VPS37A: variants seen among roughly 807,000 people sequenced by gnomAD.
VPS37A encodes the protein vacuolar protein sorting-associated protein 37A.
VPS37A carries 30 observed loss-of-function variants against 49.8 expected under a neutral mutation model. The ratio of observed to expected loss-of-function variants is 0.60; its 90% confidence interval spans 0.45 to 0.82. The LOEUF (loss-of-function observed/expected upper bound fraction) is 0.82, where lower values mean the gene tolerates loss of function less well. Ranked by LOEUF, VPS37A falls within the 40% of genes least tolerant of loss-of-function variation. VPS37A has a pLI of 0.00. For synonymous variants in VPS37A, 195 were observed against 160.6 expected, an observed-to-expected ratio of 1.21 and a Z score of -1.62; for missense variants, 593 against 464.4, an observed-to-expected ratio of 1.28 and a Z score of -2.55.
At chr8:17,321,513 G>T in the VPS37A span, among the ~76,000 whole-genome samples, 1 of 152,344 alleles carries the variant, frequency 6.6e-6, no homozygotes, top group Admixed American at 6.5e-5. Flanking sequence ...GAGTGGCAGT[G>T]TGAAAAGCAA....
downstream of VPS37A, chr8:17,302,294 C>G (rs1184183609): frequency 1.2e-5 from 19 of 1,611,548 alleles, no homozygotes; most frequent in Non-Finnish European, 1.6e-5. Flanking sequence ...GAAAGGATGG[C>G]AAAGCGTCGT....
intron 11 of VPS37A, among the ~76,000 whole-genome samples, chr8:17,290,560 C>T (rs537494761): frequency 1.4e-4 from 22 of 152,198 alleles, no homozygotes; most frequent in African/African-American, 3.6e-4. Context: ...CTTTTTAATG[C>T]GCTGCTGGAT....
intron 4 of VPS37A, among the ~76,000 whole-genome samples, chr8:17,273,604 G>A (rs1337768489): frequency 5.9e-5 from 9 of 152,034 alleles, no homozygotes; most frequent in Non-Finnish European, 1.0e-4. Context: ...CTGACCTCAT[G>A]ATCCACCTGC....
At chr8:17,301,333 G>A (rs1308457852), downstream of VPS37A, among the ~76,000 whole-genome samples, 1 of 152,218 alleles carries the variant, frequency 6.6e-6, no homozygotes, top group Non-Finnish European at 1.5e-5. Context: ...AAGTTTCAGG[G>A]AGGAAGGAAC....
chr8:17,330,424 T>C, the VPS37A span, among the ~76,000 whole-genome samples: 1 of 152,212 alleles, frequency 6.6e-6, no homozygotes, highest in African/African-American at 2.4e-5. Context: ...GAGCCGGAAG[T>C]GGTAGACTAC....
chr8:17,327,185 T>C, the VPS37A span, among the ~76,000 whole-genome samples: 2 of 152,240 alleles, frequency 1.3e-5, no homozygotes, highest in Admixed American at 6.5e-5. Context: ...GTAAAATTAA[T>C]CAGTCTACTA....
At chr8:17,292,919 G>C (rs1028419679) in intron 11 of VPS37A, among the ~76,000 whole-genome samples, 1 of 152,072 alleles carries the variant, frequency 6.6e-6, no homozygotes, top group Non-Finnish European at 1.5e-5. Flanking sequence ...TGGTAAATCT[G>C]ACAATTACGT....
At chr8:17,273,681 A>G (rs1479590743) in intron 4 of VPS37A, among the ~76,000 whole-genome samples, 1 of 152,116 alleles carries the variant, frequency 6.6e-6, no homozygotes, top group East Asian at 1.9e-4. Context: ...TTGCTTTATC[A>G]AAGGACTAAT....
chr8:17,252,391 GTC>G (rs1184615411), intron 1 of VPS37A, among the ~76,000 whole-genome samples: 2 of 152,116 alleles, frequency 1.3e-5, no homozygotes, highest in Non-Finnish European at 2.9e-5. Flanking sequence ...GCCCAGGCTT[GTC>G]TCTCAAACTC....
At chr8:17,329,867 G>T in the VPS37A span, among the ~76,000 whole-genome samples, 1 of 152,174 alleles carries the variant, frequency 6.6e-6, no homozygotes, top group Admixed American at 6.5e-5. Flanking sequence ...GTCAGGTATT[G>T]TCACTGTGAC....
At chr8:17,283,569 G>A (rs749534116) in intron 9 of VPS37A, among the ~76,000 whole-genome samples, 23 of 152,104 alleles carry the variant, frequency 1.5e-4, no homozygotes, top group Admixed American at 6.5e-4. Context: ...TTTGCCTGTC[G>A]ATAATCCAGT....
downstream of VPS37A, among the ~76,000 whole-genome samples, chr8:17,304,887 T>G (rs544421519): frequency 7.8e-4 from 119 of 152,224 alleles, 1 homozygote; most frequent in Middle Eastern, 3.4e-3. Flanking sequence ...TGAGTTGCTG[T>G]GAGCTCTGTC....
At chr8:17,266,619 G>A (rs1051876376) in intron 2 of VPS37A, among the ~76,000 whole-genome samples, 6 of 152,094 alleles carry the variant, frequency 3.9e-5, no homozygotes, top group Admixed American at 3.3e-4. Context: ...CAGATAAGAA[G>A]GCACCTAACT....
chr8:17,285,685 T>C (rs910807568), intron 10 of VPS37A, among the ~76,000 whole-genome samples: 4 of 152,170 alleles, frequency 2.6e-5, no homozygotes, highest in Non-Finnish European at 4.4e-5. Flanking sequence ...GACTTACTTA[T>C]GGTTATAGTG....
At chr8:17,268,765 G>T in intron 3 of VPS37A, 91 bp from the exon 4 acceptor site, 1 of 867,246 alleles carries the variant, frequency 1.2e-6, no homozygotes. Flanking sequence ...ACCTGCAAAA[G>T]TAAGTTAATA....
Position 17,258,050 on chromosome 8 carries a change from T to G in VPS37A, c.126-7857T>G, listed in dbSNP as rs531594151. Among the ~76,000 whole-genome samples the G allele has an allele frequency of 2.0e-5, 3 of 152,238 alleles. No homozygotes were observed. In the South Asian group the frequency reaches 6.2e-4, roughly 32 times the overall value. On this transcript the variant is annotated intron_variant, in intron 1 of 11. Transcript: ENST00000324849. The stretch of plus-strand genomic sequence containing the variant: ...GTTTTTTGTTTGTCTGTTTTTTTGG[T>G]GGGGTCTTTAGGTTTTTCCAGTCGT...
the VPS37A span, among the ~76,000 whole-genome samples, chr8:17,323,049 G>A: frequency 1.3e-5 from 2 of 148,792 alleles, no homozygotes; most frequent in African/African-American, 5.0e-5. Context: ...CCGGATTCAA[G>A]CAATTCTCCT....
intron 1 of VPS37A, among the ~76,000 whole-genome samples, chr8:17,258,991 C>G (rs80256356): frequency 0.014 from 2,167 of 152,080 alleles, 37 homozygotes; most frequent in Middle Eastern, 0.041. Context: ...TTTGGGTCTT[C>G]TCTCCTAGTT....
At chr8:17,274,424 C>T (rs780296475) in intron 4 of VPS37A, among the ~76,000 whole-genome samples, 2 of 152,108 alleles carry the variant, frequency 1.3e-5, no homozygotes, top group Admixed American at 6.5e-5. Context: ...CAGTGGAGTG[C>T]TGAAAACTCA....
Sources: gnomAD v4.1 joint callset for allele counts (sites outside exome capture counted in the v4.1 genomes callset) on GRCh38, gnomAD v4.1.1 for gene constraint, MANE v1.5 for transcripts, NCBI Gene and HGNC (gene_info 2026-07-23, HGNC 2026-07-21) for gene names.